The following BASP1 variants were observed in gnomAD, a reference collection of about 807,000 sequenced individuals.
BASP1 encodes brain acid soluble protein 1.
A neutral mutation model predicts 2.2 loss-of-function variants in BASP1; 1 was observed. That is an observed-to-expected ratio of 0.46 (90% CI 0.16 to 2.17). The LOEUF (loss-of-function observed/expected upper bound fraction) is 2.17, where lower values mean the gene tolerates loss of function less well. BASP1 is among the 30% of genes most tolerant of loss of function. The pLI is 0.27. For synonymous variants in BASP1, 187 were observed against 154.2 expected (o/e 1.21, Z -1.58); for missense variants, 352 against 327.2 (o/e 1.08, Z -0.58).
At chr5:17,220,303 T>G (rs1275811060) in intron 1 of BASP1, among the ~76,000 whole-genome samples, 1 of 152,136 alleles carries the variant, frequency 6.6e-6, no homozygotes, top group Non-Finnish European at 1.5e-5. Flanking sequence ...TAGTATTGAG[T>G]AGGTTATTAT....
At chr5:17,267,532 A>C (rs968938359) in intron 1 of BASP1, among the ~76,000 whole-genome samples, 8 of 142,644 alleles carry the variant, frequency 5.6e-5, no homozygotes, top group Non-Finnish European at 1.2e-4. Context: ...TTTTTTTTTG[A>C]GACGAAGTCT....
intron 1 of BASP1, among the ~76,000 whole-genome samples, chr5:17,239,036 C>A (rs1739805722): frequency 6.6e-6 from 1 of 152,140 alleles, no homozygotes; most frequent in Admixed American, 6.5e-5. Flanking sequence ...CCACACAATT[C>A]CCTTCCTTAC....
At chr5:17,230,164 G>T (rs1265741475) in intron 1 of BASP1, among the ~76,000 whole-genome samples, 1 of 152,192 alleles carries the variant, frequency 6.6e-6, no homozygotes, top group Non-Finnish European at 1.5e-5. Context: ...CAGAAGAGTT[G>T]ACCAGATGCC....
Position 17,275,248 on chromosome 5 carries a change from G to C in BASP1, c.32G>C (p.Gly11Ala), listed in dbSNP as rs770798432. Residue 11 changes from glycine to alanine, a missense_variant, in exon 2 of 2, where the codon GGC becomes GCC. Gly to Ala is a moderately conservative substitution (Grantham distance 60). Coordinates refer to ENST00000322611, the MANE Select transcript of BASP1 (RefSeq NM_006317.5). The surrounding 1 kb of genome is among the most constrained non-coding windows in gnomAD (Gnocchi z 5.3). ...GGCAAGCTCAGCAAGAAGAAGAAGG[G>C]CTACAATGTGAACGACGAGAAAGCC... MGGKLSKKKK[G>A]YNVNDEKAKE... 1 of 1,613,880 alleles carries C rather than the reference G, an allele frequency of 6.2e-7. No individual in the cohort carries two copies. The highest frequency in any genetic ancestry group is 1.7e-5 in the Admixed American group (1 of 60,002).
At position 17,258,929 on chromosome 5, in the gene BASP1, T is replaced by G. The variant is rs926130073; in HGVS notation, c.-9-16279T>G. ...AAATCTGGGGAGATACATTTGAATT[T>G]ATAAGGAGGGACCAGATGACAAATG... On this transcript the variant is annotated intron_variant, in intron 1 of 1. Transcript: ENST00000322611. Among the ~76,000 whole-genome samples the G allele has an allele frequency of 2.6e-5, 4 of 152,182 alleles. No individual in the cohort carries two copies. The East Asian group carries it at 7.7e-4, about 29-fold the overall frequency.
Position 17,275,833 on chromosome 5 carries a change from C to T in BASP1, c.617C>T (p.Ala206Val), listed in dbSNP as rs756504171. ...AAGGCCCAGGGCCCCGCAGCCTCTGCAGAAGAGCCCAAGCCGGTGGAGGCC... is the reference window on the plus strand; with the variant it reads ...AAGGCCCAGGGCCCCGCAGCCTCTGTAGAAGAGCCCAAGCCGGTGGAGGCC... ...TPKAQGPAAS[A>V]EEPKPVEAPA... The change falls in exon 2 of 2, where the codon GCA (alanine) becomes GTA (valine). Residue 206 changes from alanine (A) to valine (V), a missense_variant. Transcript: ENST00000322611. The surrounding 1 kb of genome is among the most constrained non-coding windows in gnomAD (Gnocchi z 5.3). 2 of 1,610,554 alleles carry T rather than the reference C, an allele frequency of 1.2e-6. No homozygotes were observed. The highest frequency in any genetic ancestry group is 1.7e-6 in the Non-Finnish European group (2 of 1,178,656).
At chr5:17,232,131 T>C (rs1739643481) in intron 1 of BASP1, among the ~76,000 whole-genome samples, 1 of 152,230 alleles carries the variant, frequency 6.6e-6, no homozygotes, top group South Asian at 2.1e-4. Context: ...CTGAGTGTCC[T>C]CCCAAGGTAG....
At position 17,275,487 on chromosome 5, in the gene BASP1, G is replaced by A. The variant is rs1323209877; in HGVS notation, c.271G>A (p.Glu91Lys). Residue 91 changes from glutamate to lysine, a missense_variant, in exon 2 of 2, where the codon GAG becomes AAG. Glu to Lys is a moderately conservative substitution (Grantham distance 56). Coordinates refer to ENST00000322611, the MANE Select transcript of BASP1 (RefSeq NM_006317.5). The surrounding 1 kb of genome is among the most constrained non-coding windows in gnomAD (Gnocchi z 5.3). ...EAPKAEPEKT[E>K]GAAEAKAEPP... Reference sequence around the variant, plus strand: ...CCCGAAGGCGGAGCCCGAGAAGACGGAGGGCGCGGCAGAGGCCAAGGCTGA... The same window carrying A: ...CCCGAAGGCGGAGCCCGAGAAGACGAAGGGCGCGGCAGAGGCCAAGGCTGA... The A allele has an allele frequency of 2.7e-6, 4 of 1,484,888 alleles. No individual in the cohort carries two copies. The African/African-American group carries it at 5.7e-5, about 21-fold the overall frequency. The allele number at this position is 1,484,888 out of a possible 1,614,324, so 92.0% of individuals were successfully genotyped here. A position where few individuals can be genotyped will look rare whatever the true frequency, so the allele number is the denominator to read the frequency against.
chr5:17,244,843 C>A (rs1010018132), intron 1 of BASP1, among the ~76,000 whole-genome samples: 1 of 151,276 alleles, frequency 6.6e-6, no homozygotes, highest in Non-Finnish European at 1.5e-5. Context: ...AGATGTGCGC[C>A]ACCATGCCCA....
chr5:17,246,566 C>T (rs1739996654), intron 1 of BASP1, among the ~76,000 whole-genome samples: 1 of 151,940 alleles, frequency 6.6e-6, no homozygotes, highest in African/African-American at 2.4e-5. Context: ...ACTGGCTGAA[C>T]TTTGTTAAAT....
chr5:17,270,988 A>G (rs1353556133), intron 1 of BASP1, among the ~76,000 whole-genome samples: 1 of 152,182 alleles, frequency 6.6e-6, no homozygotes, highest in Non-Finnish European at 1.5e-5. Context: ...TTCTTGTCCA[A>G]TATTTACCAG....
At chr5:17,233,576 C>T (rs779744710) in intron 1 of BASP1, among the ~76,000 whole-genome samples, 1 of 152,166 alleles carries the variant, frequency 6.6e-6, no homozygotes, top group Non-Finnish European at 1.5e-5. Flanking sequence ...GTGCACCATA[C>T]TGCCTCCTGG....
upstream of BASP1, chr5:17,217,099 A>AGAGAGAGAGAGAGAGAGT (rs1561160816): frequency 7.5e-6 from 1 of 132,608 alleles, no homozygotes; most frequent in African/African-American, 3.0e-5. Context: ...AGAGAGAGTG[A>AGAGAGAGAGAGAGAGAGT]GTGAGAGAGT....
intron 1 of BASP1, among the ~76,000 whole-genome samples, chr5:17,261,165 G>T (rs1235605081): frequency 6.6e-6 from 1 of 152,200 alleles, no homozygotes; most frequent in East Asian, 1.9e-4. Flanking sequence ...AAGAATTAAG[G>T]TTCGTTTTTT....
At chr5:17,230,800 T>C (rs976483370) in intron 1 of BASP1, among the ~76,000 whole-genome samples, 1 of 152,066 alleles carries the variant, frequency 6.6e-6, no homozygotes, top group Non-Finnish European at 1.5e-5. Context: ...ACTCCTGACC[T>C]CAAATGATCC....
At chr5:17,242,879 T>A (rs186414097) in intron 1 of BASP1, among the ~76,000 whole-genome samples, 1 of 152,072 alleles carries the variant, frequency 6.6e-6, no homozygotes, top group Admixed American at 6.6e-5. Flanking sequence ...GTAAGCATTT[T>A]TTTTTCCTTC....
At chr5:17,257,287 G>A (rs1238046407) in intron 1 of BASP1, among the ~76,000 whole-genome samples, 1 of 150,648 alleles carries the variant, frequency 6.6e-6, no homozygotes, top group East Asian at 2.0e-4. Context: ...CTATAACCTA[G>A]AATTTAAATA....
At chr5:17,230,547 A>G (rs1227156621) in intron 1 of BASP1, among the ~76,000 whole-genome samples, 1 of 151,986 alleles carries the variant, frequency 6.6e-6, no homozygotes, top group Non-Finnish European at 1.5e-5. Context: ...CCCTTTTGAG[A>G]GGGTCCTTTT....
intron 1 of BASP1, among the ~76,000 whole-genome samples, chr5:17,219,038 G>A (rs1739333858): frequency 6.6e-6 from 1 of 152,068 alleles, no homozygotes; most frequent in Admixed American, 6.5e-5. Flanking sequence ...TCGCACTGTG[G>A]GGCGGGCTAA....
Sources: gnomAD v4.1 joint callset for allele counts (sites outside exome capture counted in the v4.1 genomes callset) on GRCh38, gnomAD v4.1.1 for gene constraint, Gnocchi (gnomAD v3.1) non-coding constraint, MANE v1.5 for transcripts, NCBI Gene and HGNC (gene_info 2026-07-23, HGNC 2026-07-21) for gene names.